The following ATP2B2 variants were observed in gnomAD, a reference collection of about 807,000 sequenced individuals.
ATP2B2 encodes the protein plasma membrane calcium-transporting ATPase 2.
Under a neutral mutation model 120.0 loss-of-function variants are expected in ATP2B2, and 15 were observed. The observed-to-expected ratio is 0.12, with a 90% CI of 0.08 to 0.19. The LOEUF (loss-of-function observed/expected upper bound fraction) is 0.19, where lower values mean the gene tolerates loss of function less well. Ranked by LOEUF, ATP2B2 falls within the 10% of genes least tolerant of loss-of-function variation. ATP2B2 has a pLI of 1.00. For synonymous variants in ATP2B2, 694 were observed against 700.3 expected (o/e 0.99, Z 0.14); for missense variants, 1,045 against 1,719.8 (o/e 0.61, Z 6.94).
intron 2 of ATP2B2, among the ~76,000 whole-genome samples, chr3:10,573,324 C>T (rs564572415): frequency 3.2e-4 from 48 of 152,260 alleles, no homozygotes; most frequent in African/African-American, 8.9e-4. Flanking sequence ...TGCTGAATTT[C>T]GAAGAGCTGT....
chr3:10,627,657 C>T (rs551394962), intron 1 of ATP2B2, among the ~76,000 whole-genome samples: 14 of 152,298 alleles, frequency 9.2e-5, no homozygotes, highest in East Asian at 3.9e-4. Flanking sequence ...TCCTTCCAGT[C>T]GGTGAACCGC....
chr3:10,346,278 TC>T lies in ATP2B2; in HGVS notation c.2405-142del. On this transcript the variant is annotated intron_variant, in intron 16 of 22. Coordinates refer to ENST00000360273, the MANE Select transcript of ATP2B2 (RefSeq NM_001001331.4). The surrounding 1 kb of genome is among the most constrained non-coding windows in gnomAD (Gnocchi z 4.1). ...CAGCCGCCCCCTCCATCCAGGCTCT[TC>T]CCAGCTCCAGGCTGGCCTATAGCTG... The T allele has an allele frequency of 1.2e-6, 1 of 820,298 alleles. No individual in the cohort carries two copies. The highest frequency in any genetic ancestry group is 2.0e-6 in the Non-Finnish European group (1 of 500,268). 50.8% of individuals were successfully genotyped at this position (820,298 alleles called of 1,614,324 possible).
At chr3:10,382,717 C>T (rs1466570657) in intron 8 of ATP2B2, among the ~76,000 whole-genome samples, 1 of 151,990 alleles carries the variant, frequency 6.6e-6, no homozygotes, top group East Asian at 1.9e-4. Context: ...TACATAGTGA[C>T]ACACTAGTAA....
intron 2 of ATP2B2, among the ~76,000 whole-genome samples, chr3:10,549,800 T>C (rs2067629418): frequency 6.6e-6 from 1 of 151,774 alleles, no homozygotes; most frequent in South Asian, 2.1e-4. Context: ...GCTCTCGGAG[T>C]CCAGGGAAGA....
chr3:10,690,068 G>A (rs2071621027), intron 1 of ATP2B2, among the ~76,000 whole-genome samples: 1 of 152,242 alleles, frequency 6.6e-6, no homozygotes, highest in Non-Finnish European at 1.5e-5. Flanking sequence ...TCCAACTGCA[G>A]AGCAGACACA....
chr3:10,360,337 C>G (rs1212691963), intron 12 of ATP2B2, among the ~76,000 whole-genome samples: 1 of 152,154 alleles, frequency 6.6e-6, no homozygotes. Flanking sequence ...GCAAGATTAG[C>G]TTTTAAAAAA....
chr3:10,635,591 T>A lies in ATP2B2; in HGVS notation c.-459-15630A>T, dbSNP rs1317549870. On this transcript the variant is annotated intron_variant, in intron 1 of 21. Coordinates refer to the ATP2B2 transcript ENST00000646379. This position sits in a 1 kb window ranked among gnomAD's most constrained non-coding sequence, Gnocchi z 4.3. ...GAGACAAGAATCAGAAGCAGCTGCC[T>A]AGAATGATCTGCCACAATTTGGCCC... 6.6e-6 allele frequency among the ~76,000 whole-genome samples: 1 copy of A among 152,106 alleles called. No homozygotes were observed. Among genetic ancestry groups the A allele is most frequent in the Non-Finnish European group, 1.5e-5 (1 of 67,986 alleles).
intron 2 of ATP2B2, among the ~76,000 whole-genome samples, chr3:10,569,540 A>C (rs1176485957): frequency 6.6e-6 from 1 of 152,178 alleles, no homozygotes; most frequent in Non-Finnish European, 1.5e-5. Flanking sequence ...ATTTTTATGA[A>C]CCAGAAAAAA....
chr3:10,372,326 A>G (rs546081296), intron 11 of ATP2B2, among the ~76,000 whole-genome samples: 2 of 152,336 alleles, frequency 1.3e-5, no homozygotes, highest in East Asian at 3.9e-4. Flanking sequence ...GAAGTAATCT[A>G]CATTCTTTAC....
chr3:10,556,242 G>C (rs17033077), intron 2 of ATP2B2, among the ~76,000 whole-genome samples: 24,635 of 152,106 alleles, frequency 0.16, 2,100 homozygotes, highest in East Asian at 0.3. Flanking sequence ...GAAAACCCAG[G>C]TTCTCCAGGC....
At chr3:10,407,574 T>C (rs904768539) in intron 3 of ATP2B2, among the ~76,000 whole-genome samples, 9 of 152,304 alleles carry the variant, frequency 5.9e-5, no homozygotes, top group Admixed American at 3.9e-4. Flanking sequence ...CCTGGATCTT[T>C]AGACCTGGGG....
intron 10 of ATP2B2, 68 bp downstream of exon 10, chr3:10,378,184 A>G: frequency 6.4e-7 from 1 of 1,563,700 alleles, no homozygotes; most frequent in South Asian, 1.1e-5. Context: ...GAGGCCGAGC[A>G]TGGGGCAGGG....
chr3:10,439,451 G>A (rs1035965492), intron 2 of ATP2B2, among the ~76,000 whole-genome samples: 2 of 152,094 alleles, frequency 1.3e-5, no homozygotes, highest in Admixed American at 6.5e-5. Flanking sequence ...TGGGGCCCCC[G>A]CAAAGACCAA....
At chr3:10,390,680 G>T (rs140699984) in intron 5 of ATP2B2, among the ~76,000 whole-genome samples, 2 of 152,266 alleles carry the variant, frequency 1.3e-5, no homozygotes, top group East Asian at 3.9e-4. Context: ...CTCACAGAGG[G>T]GGTGTGCGGA....
intron 1 of ATP2B2, among the ~76,000 whole-genome samples, chr3:10,505,238 T>C (rs1459749947): frequency 6.6e-6 from 1 of 151,826 alleles, no homozygotes; most frequent in African/African-American, 2.4e-5. Context: ...ACGCGGACCC[T>C]CACACTAGTG....
At chr3:10,358,635 T>C in intron 14 of ATP2B2, 56 bp downstream of exon 14, 5 of 1,553,672 alleles carry the variant, frequency 3.2e-6, no homozygotes, top group Non-Finnish European at 4.4e-6. Context: ...GTCACCCTGG[T>C]GGCTGGCCTC....
intron 5 of ATP2B2, among the ~76,000 whole-genome samples, chr3:10,396,711 T>C (rs913903363): frequency 2.0e-5 from 3 of 150,762 alleles, no homozygotes; most frequent in African/African-American, 7.3e-5. Context: ...TAGGGAGGAG[T>C]TGGATGATGA....
chr3:10,512,151 G>A (rs1452545635), intron 3 of ATP2B2, among the ~76,000 whole-genome samples: 1 of 152,146 alleles, frequency 6.6e-6, no homozygotes, highest in South Asian at 2.1e-4. Flanking sequence ...ACAGGATTGA[G>A]GATCCAGATA....
intron 1 of ATP2B2, among the ~76,000 whole-genome samples, chr3:10,488,774 CCT>C (rs1238360119): frequency 8.5e-5 from 13 of 152,172 alleles, no homozygotes; most frequent in African/African-American, 3.1e-4. Context: ...CAGCCACCAT[CCT>C]CTCTCACCAC....
Sources: allele counts gnomAD v4.1 joint callset (sites outside exome capture counted in the v4.1 genomes callset), GRCh38; gene constraint gnomAD v4.1.1; non-coding constraint Gnocchi (gnomAD v3.1); transcripts MANE v1.5; gene names NCBI Gene and HGNC (gene_info 2026-07-23, HGNC 2026-07-21).